KCNN2: variants seen among roughly 807,000 people sequenced by gnomAD.
KCNN2 encodes potassium calcium-activated channel subfamily N member 2, also known as small conductance calcium-activated potassium channel protein 2.
KCNN2 carries 24 observed loss-of-function variants against 55.5 expected under a neutral mutation model. The observed-to-expected ratio is 0.43, with a 90% confidence interval of 0.31 to 0.61. The LOEUF (loss-of-function observed/expected upper bound fraction) is 0.61, where lower values mean the gene tolerates loss of function less well. KCNN2 is among the 20% of genes least tolerant of loss of function. The pLI, the probability that KCNN2 is intolerant of heterozygous loss-of-function variation, is 0.08. For synonymous variants in KCNN2, 431 were observed against 336.1 expected, an observed-to-expected ratio of 1.28 and a Z score of -3.09; for missense variants, 754 against 853.6, an observed-to-expected ratio of 0.88 and a Z score of 1.45.
At chr5:114,312,089 T>G (rs1292852597) in intron 2 of KCNN2, among the ~76,000 whole-genome samples, 1 of 152,020 alleles carries the variant, frequency 6.6e-6, no homozygotes, top group South Asian at 2.1e-4. Context: ...GAAAGAAAGC[T>G]CTTAGAAGAC....
At chr5:114,330,695 G>A (rs143670282) in intron 2 of KCNN2, among the ~76,000 whole-genome samples, 213 of 152,292 alleles carry the variant, frequency 1.4e-3, no homozygotes, top group Non-Finnish European at 2.6e-3. Context: ...CCTTTGGAGT[G>A]TAGTTCAAAA....
intron 2 of KCNN2, among the ~76,000 whole-genome samples, chr5:114,372,284 T>C (rs1246114583): frequency 6.6e-6 from 1 of 152,174 alleles, no homozygotes; most frequent in Non-Finnish European, 1.5e-5. Flanking sequence ...AAGTGAATCT[T>C]TGGACAAGCC....
intron 1 of KCNN2, among the ~76,000 whole-genome samples, chr5:114,076,563 A>C (rs1750689286): frequency 6.6e-6 from 1 of 152,258 alleles, no homozygotes; most frequent in Non-Finnish European, 1.5e-5. Flanking sequence ...CAGATCTGGG[A>C]TCAGAACAGA....
intron 2 of KCNN2, among the ~76,000 whole-genome samples, chr5:114,278,919 T>C (rs1175824273): frequency 6.6e-6 from 1 of 152,138 alleles, no homozygotes; most frequent in South Asian, 2.1e-4. Flanking sequence ...GGTAACTCAG[T>C]TGGAAATGCA....
chr5:114,205,581 A>T (rs1452013860), intron 1 of KCNN2, among the ~76,000 whole-genome samples: 1 of 152,232 alleles, frequency 6.6e-6, no homozygotes, highest in Non-Finnish European at 1.5e-5. Context: ...AATTAGGACA[A>T]ATGTAAATGA....
chr5:114,109,783 A>C (rs1234370467), intron 1 of KCNN2, among the ~76,000 whole-genome samples: 1 of 152,066 alleles, frequency 6.6e-6, no homozygotes, highest in Non-Finnish European at 1.5e-5. Context: ...GATGTTCACC[A>C]TCTGGGGATG....
chr5:114,205,660 CA>C (rs1429495045), intron 1 of KCNN2, among the ~76,000 whole-genome samples: 4 of 152,006 alleles, frequency 2.6e-5, no homozygotes, highest in African/African-American at 9.6e-5. Context: ...AGAAGGAAAC[CA>C]AAAAATGGGC....
intron 1 of KCNN2, among the ~76,000 whole-genome samples, chr5:114,164,547 C>T (rs1353653063): frequency 6.6e-6 from 1 of 151,982 alleles, no homozygotes; most frequent in East Asian, 1.9e-4. Context: ...AAAGTAGCCA[C>T]CTTGGAAATT....
At chr5:114,281,464 T>C (rs1755621167) in intron 2 of KCNN2, among the ~76,000 whole-genome samples, 3 of 152,160 alleles carry the variant, frequency 2.0e-5, no homozygotes, top group African/African-American at 7.2e-5. Context: ...TATTTGAGTG[T>C]GGCAAACTTT....
At chr5:114,471,064 AC>A (rs1213397809) in intron 4 of KCNN2, among the ~76,000 whole-genome samples, 2 of 152,160 alleles carry the variant, frequency 1.3e-5, no homozygotes, top group African/African-American at 4.8e-5. Flanking sequence ...AGACATTCAT[AC>A]TTTATCATAT....
chr5:114,357,336 A>T (rs1459788847), upstream of KCNN2, among the ~76,000 whole-genome samples: 2 of 149,960 alleles, frequency 1.3e-5, no homozygotes, highest in Non-Finnish European at 3.0e-5. Flanking sequence ...TTTAGGGTAC[A>T]TGTGCACATT....
intron 2 of KCNN2, among the ~76,000 whole-genome samples, chr5:114,322,195 G>T (rs964540581): frequency 3.3e-5 from 5 of 152,170 alleles, no homozygotes; most frequent in Admixed American, 3.3e-4. Flanking sequence ...AGAATCTACT[G>T]TAGTAAGTTC....
In KCNN2 at chr5:114,362,857, G is replaced by C. The variant is rs772670260; in HGVS notation, c.718G>C (p.Asp240His). Reference sequence around the variant, plus strand: ...GTCCCGCCGGAACCTGCACGAGATGGACTCAGAGGCGCAGCCCCTGCAGCC... The same window carrying C: ...GTCCCGCCGGAACCTGCACGAGATGCACTCAGAGGCGCAGCCCCTGCAGCC... ...SASRRNLHEM[D>H]SEAQPLQPPA... is the part of the protein sequence containing the mutation. The change falls in exon 1 of 8, where the codon GAC becomes CAC. Residue 240 changes from aspartate (D) to histidine (H), a missense_variant. Asp to His is a moderately conservative substitution (Grantham distance 81). This residue lies in a region of KCNN2 where 381 missense variants were observed against 259.1 expected (regional missense o/e 1.47). Coordinates refer to ENST00000673685, the MANE Select transcript of KCNN2 (RefSeq NM_021614.4). The C allele has an allele frequency of 6.3e-7, 1 of 1,599,892 alleles. No homozygotes were observed.
chr5:114,257,741 G>T (rs1174598784), intron 2 of KCNN2, among the ~76,000 whole-genome samples: 1 of 152,124 alleles, frequency 6.6e-6, no homozygotes, highest in South Asian at 2.1e-4. Flanking sequence ...AGATATAGAA[G>T]TTTTTTGGAG....
chr5:114,455,980 A>G (rs890506528), intron 3 of KCNN2, among the ~76,000 whole-genome samples: 4 of 152,238 alleles, frequency 2.6e-5, no homozygotes, highest in Admixed American at 2.0e-4. Flanking sequence ...CATAAAAGCA[A>G]GGTGAAGCAG....
At chr5:114,398,748 G>T (rs1342653287) in intron 2 of KCNN2, among the ~76,000 whole-genome samples, 2 of 152,048 alleles carry the variant, frequency 1.3e-5, no homozygotes, top group African/African-American at 4.8e-5. Context: ...TCCTCACAGA[G>T]ATCTTTCATC....
chr5:114,264,588 C>A (rs186789579), intron 2 of KCNN2, among the ~76,000 whole-genome samples: 2 of 152,180 alleles, frequency 1.3e-5, no homozygotes, highest in African/African-American at 4.8e-5. Context: ...TGGTCACAGC[C>A]CTCTTGCTAA....
chr5:114,364,860 C>T (rs923442275), intron 2 of KCNN2, among the ~76,000 whole-genome samples: 1 of 150,770 alleles, frequency 6.6e-6, no homozygotes, highest in Non-Finnish European at 1.5e-5. Flanking sequence ...GTCCTGTGGT[C>T]CTGGTGCATG....
At chr5:114,377,403 C>T (rs1207973012) in intron 2 of KCNN2, among the ~76,000 whole-genome samples, 5 of 152,152 alleles carry the variant, frequency 3.3e-5, no homozygotes, top group Non-Finnish European at 4.4e-5. Context: ...TAAGCATAAG[C>T]GTAACATTTT....
Sources: allele counts gnomAD v4.1 joint callset (sites outside exome capture counted in the v4.1 genomes callset), GRCh38; gene constraint gnomAD v4.1.1; regional missense constraint gnomAD v4.1.1; transcripts MANE v1.5; gene names NCBI Gene and HGNC (gene_info 2026-07-23, HGNC 2026-07-21).